The following PDE8B variants were observed in gnomAD, a reference collection of about 807,000 sequenced individuals.
The protein encoded by PDE8B is phosphodiesterase 8B, also known as high affinity cAMP-specific and IBMX-insensitive 3',5'-cyclic phosphodiesterase 8B.
In PDE8B, 26 loss-of-function variants were observed where a neutral mutation model predicts 101.3. That is an observed-to-expected ratio of 0.26 (90% CI 0.19 to 0.36). The LOEUF (loss-of-function observed/expected upper bound fraction) is 0.36. PDE8B is among the 10% of genes least tolerant of loss of function. The probability of loss-of-function intolerance (pLI) is 1.00; values close to 1 mark genes in which losing one functional copy is unlikely to be tolerated. For missense variants in PDE8B, 810 were observed against 1,163.1 expected, an observed-to-expected ratio of 0.70 and a Z score of 4.42; for synonymous variants, 424 against 429.3, an observed-to-expected ratio of 0.99 and a Z score of 0.15.
intron 10 of PDE8B, among the ~76,000 whole-genome samples, chr5:77,386,286 A>G (rs756256976): frequency 2.0e-4 from 31 of 152,204 alleles, no homozygotes; most frequent in Non-Finnish European, 3.8e-4. Context: ...GTAGATGTCT[A>G]TTAGGTTCAC....
At chr5:77,114,901 T>C in the PDE8B span, 1 of 152,236 alleles carries the variant, frequency 6.6e-6, no homozygotes, top group Non-Finnish European at 1.5e-5. Context: ...AGAGATAACC[T>C]GAATTGCAAT....
the PDE8B span, among the ~76,000 whole-genome samples, chr5:77,137,680 C>G: frequency 6.6e-6 from 1 of 152,200 alleles, no homozygotes; most frequent in African/African-American, 2.4e-5. Context: ...CATAAAGTCA[C>G]ACCTTTGCTC....
chr5:77,387,739 C>T (rs1028937707), intron 10 of PDE8B, among the ~76,000 whole-genome samples: 1 of 152,198 alleles, frequency 6.6e-6, no homozygotes, highest in African/African-American at 2.4e-5. Flanking sequence ...GGTCTTTTCA[C>T]ATAGTCCCAT....
chr5:77,313,378 CAGCCACAACTATT>C (rs1773115482), intron 2 of PDE8B, among the ~76,000 whole-genome samples: 1 of 151,270 alleles, frequency 6.6e-6, no homozygotes, highest in Non-Finnish European at 1.5e-5. Context: ...AAATAAACAC[CAGCCACAACTATT>C]TGTATAGAAT....
At chr5:77,122,968 T>A in the PDE8B span, among the ~76,000 whole-genome samples, 93 of 152,294 alleles carry the variant, frequency 6.1e-4, no homozygotes, top group Non-Finnish European at 9.8e-4. Context: ...TTCAGGGAGA[T>A]GAAATTATAC....
intron 7 of PDE8B, among the ~76,000 whole-genome samples, chr5:77,346,081 C>T (rs1780101631): frequency 6.6e-6 from 1 of 152,188 alleles, no homozygotes; most frequent in Admixed American, 6.5e-5. Flanking sequence ...AGGAACTTAT[C>T]CAAGGAAAGC....
At chr5:77,141,396 A>T in the PDE8B span, 1 of 152,228 alleles carries the variant, frequency 6.6e-6, no homozygotes, top group African/African-American at 2.4e-5. Flanking sequence ...ACAGCAACAG[A>T]TAGAGTTGAG....
At chr5:77,315,759 T>C (rs979694498) in intron 2 of PDE8B, among the ~76,000 whole-genome samples, 1 of 152,232 alleles carries the variant, frequency 6.6e-6, no homozygotes, top group Admixed American at 6.5e-5. Context: ...AGTTCTTGAT[T>C]ATTGTATATT....
At chr5:77,332,107 C>A (rs1255406449) in intron 5 of PDE8B, among the ~76,000 whole-genome samples, 1 of 151,892 alleles carries the variant, frequency 6.6e-6, no homozygotes, top group Non-Finnish European at 1.5e-5. Context: ...TGGAAAGGAA[C>A]TGATAGAATG....
chr5:77,240,649 A>G (rs1755593117), intron 1 of PDE8B, among the ~76,000 whole-genome samples: 1 of 152,238 alleles, frequency 6.6e-6, no homozygotes, highest in Admixed American at 6.5e-5. Flanking sequence ...AAAATATGCT[A>G]TTTAAAGTGT....
chr5:77,309,318 G>A (rs1385982805), intron 1 of PDE8B, among the ~76,000 whole-genome samples: 1 of 152,148 alleles, frequency 6.6e-6, no homozygotes, highest in Non-Finnish European at 1.5e-5. Context: ...GGTTAGGGGT[G>A]AATTATTATT....
intron 17 of PDE8B, among the ~76,000 whole-genome samples, chr5:77,417,530 C>T (rs1795822112): frequency 6.6e-6 from 1 of 152,146 alleles, no homozygotes; most frequent in African/African-American, 2.4e-5. Flanking sequence ...TAACAGTAGC[C>T]CATCTGATAA....
chr5:77,406,467 G>A (rs962038529), intron 12 of PDE8B, among the ~76,000 whole-genome samples: 2 of 152,192 alleles, frequency 1.3e-5, no homozygotes, highest in Non-Finnish European at 2.9e-5. Flanking sequence ...GAGAGGATAA[G>A]GGATGAGGGA....
chr5:77,235,558 CAG>C (rs1754489388), intron 1 of PDE8B, among the ~76,000 whole-genome samples: 1 of 152,164 alleles, frequency 6.6e-6, no homozygotes, highest in African/African-American at 2.4e-5. Context: ...GACCTTGAAT[CAG>C]GGAATACAAA....
At chr5:77,256,502 G>A (rs1465707610) in intron 1 of PDE8B, among the ~76,000 whole-genome samples, 2 of 152,154 alleles carry the variant, frequency 1.3e-5, no homozygotes, top group African/African-American at 2.4e-5. Flanking sequence ...CACGCATCTT[G>A]TAATGATGAA....
the PDE8B span, among the ~76,000 whole-genome samples, chr5:77,181,488 T>C: frequency 6.6e-6 from 1 of 152,192 alleles, no homozygotes; most frequent in African/African-American, 2.4e-5. Flanking sequence ...TACAAAAGCT[T>C]GGCTAGAAGC....
At chr5:77,214,444 T>C (rs1161313599) in intron 1 of PDE8B, among the ~76,000 whole-genome samples, 7 of 152,184 alleles carry the variant, frequency 4.6e-5, no homozygotes, top group Admixed American at 4.6e-4. Context: ...CAGACTGTGT[T>C]GTAGGTGCTA....
At chr5:77,125,316 T>G in the PDE8B span, among the ~76,000 whole-genome samples, 1 of 152,222 alleles carries the variant, frequency 6.6e-6, no homozygotes, top group Non-Finnish European at 1.5e-5. Context: ...AAATAACAGT[T>G]GTTGGCAAGA....
At position 77,425,905 on chromosome 5, in the gene PDE8B, G is replaced by C. The variant is rs1382213388; in HGVS notation, c.2548+9G>C. ...GTTTGATGCTTGGGATGGTAAGACAGTTACTGTTTTGTCACCCAAAGAAAA... is the reference window on the plus strand; with the variant it reads ...GTTTGATGCTTGGGATGGTAAGACACTTACTGTTTTGTCACCCAAAGAAAA... On this transcript the variant is annotated intron_variant, in intron 21 of 21. Coordinates refer to ENST00000264917, the MANE Select transcript of PDE8B (RefSeq NM_003719.5). The C allele has an allele frequency of 2.5e-6, 4 of 1,612,672 alleles. No homozygotes were observed. Among genetic ancestry groups the C allele is most frequent in the Middle Eastern group, 1.7e-4 (1 of 6,046 alleles).
Sources: allele counts gnomAD v4.1 joint callset (sites outside exome capture counted in the v4.1 genomes callset), GRCh38; gene constraint gnomAD v4.1.1; transcripts MANE v1.5; gene names NCBI Gene and HGNC (gene_info 2026-07-23, HGNC 2026-07-21).